The following MMP21 variants were observed in gnomAD, a reference collection of about 807,000 sequenced individuals.
The protein encoded by MMP21 is matrix metalloproteinase-21.
MMP21 carries 40 observed loss-of-function variants against 47.8 expected under a neutral mutation model. The ratio of observed to expected loss-of-function variants is 0.84; its 90% CI spans 0.65 to 1.09. The LOEUF (loss-of-function observed/expected upper bound fraction) is 1.09, where lower values mean the gene tolerates loss of function less well. Among genes scored for constraint, MMP21 ranks in the 50% least tolerant of loss-of-function variants. MMP21 has a pLI of 0.00. For missense variants in MMP21, 747 were observed against 775.3 expected, an observed-to-expected ratio of 0.96 and a Z score of 0.43; for synonymous variants, 341 against 318.0, an observed-to-expected ratio of 1.07 and a Z score of -0.77.
At chr10:125,767,798 T>C in intron 5 of MMP21, 94 bp from the exon 6 acceptor site, 1 of 1,273,800 alleles carries the variant, frequency 7.9e-7, no homozygotes, top group Non-Finnish European at 1.1e-6. Flanking sequence ...GCCAATCCTG[T>C]ACAATGTGTT....
intron 4 of MMP21, among the ~76,000 whole-genome samples, chr10:125,771,011 T>C (rs894997416): frequency 6.6e-6 from 1 of 151,822 alleles, no homozygotes; most frequent in African/African-American, 2.4e-5. Context: ...GCTTGGGCGA[T>C]AGAGTGAGAC....
chr10:125,772,645 G>T lies in MMP21; in HGVS notation c.803C>A (p.Pro268His). 6.2e-7 allele frequency: 1 copy of T among 1,614,230 alleles called. No individual in the cohort carries two copies. The highest frequency in any genetic ancestry group is 8.5e-7 in the Non-Finnish European group (1 of 1,180,036). Reference sequence around the variant, plus strand: ...GCTGATGCCCGTGTCACTGGTGGGAGGTGTGAAGTGCTCGTCGTCGTCAAA... The same window carrying T: ...GCTGATGCCCGTGTCACTGGTGGGATGTGTGAAGTGCTCGTCGTCGTCAAA... ...IHFDDDEHFT[P>H]PTSDTGISLL... Residue 268 changes from proline (P) to histidine (H), a missense_variant, in exon 3 of 7, where the codon CCT becomes CAT. Pro to His is a moderately conservative substitution (Grantham distance 77, BLOSUM62 -2). Transcript: ENST00000368808. This position sits in a 1 kb window ranked among gnomAD's most constrained non-coding sequence, Gnocchi z 5.6.
At chr10:125,775,597 G>A (rs1850507770) in intron 1 of MMP21, 63 bp downstream of exon 1, 3 of 1,503,824 alleles carry the variant, frequency 2.0e-6, no homozygotes, top group South Asian at 2.7e-5. Flanking sequence ...GCGCGCGTGC[G>A]CATGTGCCTG....
rs1053414855 is a variant in MMP21, at chr10:125,773,532, G to A, written c.697+299C>T. On this transcript the variant is annotated intron_variant, in intron 2 of 6. Coordinates refer to ENST00000368808, the MANE Select transcript of MMP21 (RefSeq NM_147191.1). The surrounding 1 kb of genome is among the most constrained non-coding windows in gnomAD (Gnocchi z 4.8). ...TGAGACCCCAGCTGCTGCTCCCTAG[G>A]GAAGCTGGAGGCACAGGCAGGGGGC... is the stretch of plus-strand genomic sequence containing the variant. Among the ~76,000 whole-genome samples, 3 of 152,168 alleles carry A rather than the reference G, an allele frequency of 2.0e-5. No individual in the cohort carries two copies. The highest frequency in any genetic ancestry group is 1.3e-4 in the Admixed American group (2 of 15,288).
intron 4 of MMP21, among the ~76,000 whole-genome samples, chr10:125,770,914 A>C (rs1027729770): frequency 4.0e-5 from 6 of 151,718 alleles, no homozygotes; most frequent in African/African-American, 1.5e-4. Context: ...CCCTTGGCAC[A>C]GGTTACTTGG....
At position 125,774,057 on chromosome 10, in the gene MMP21, C is replaced by T. The variant is rs1413466245; in HGVS notation, c.471G>A (p.Trp157Ter). 1.2e-5 allele frequency: 18 copies of T among 1,451,992 alleles called. No individual in the cohort carries two copies. The highest frequency in any genetic ancestry group is 1.6e-5 in the Non-Finnish European group (18 of 1,105,172). 89.9% of individuals were successfully genotyped at this position (1,451,992 alleles called of 1,614,324 possible). The change falls in exon 2 of 7, where the codon TGG (tryptophan) becomes TGA (stop). Residue 157 changes from tryptophan (W) to a stop codon, truncating the protein, a stop_gained. Coordinates refer to ENST00000368808, the MANE Select transcript of MMP21 (RefSeq NM_147191.1). LOFTEE classifies it high-confidence loss of function. ...RAPLSLSRRG[W>*]QPRGYPDGGA... ...CGCCGTCGGGGTAGCCCCGGGGCTG[C>T]CAACCCCGCCGGGACAAGGACAGCG...
In MMP21 at chr10:125,774,061, C is replaced by A. The variant is rs1258040381; in HGVS notation, c.467G>T (p.Gly156Val). The A allele has an allele frequency of 2.8e-6, 4 of 1,449,554 alleles. No homozygotes were observed. The African/African-American group carries it at 5.9e-5, about 21-fold the overall frequency. The allele number at this position is 1,449,554 out of a possible 1,614,324, so 89.8% of individuals were successfully genotyped here. A position where few individuals can be genotyped will look rare whatever the true frequency, so the allele number is the denominator to read the frequency against. ...PRAPLSLSRR[G>V]WQPRGYPDGG... ...GTCGGGGTAGCCCCGGGGCTGCCAA[C>A]CCCGCCGGGACAAGGACAGCGGCGC... The change falls in exon 2 of 7, where the codon GGT becomes GTT. Residue 156 changes from glycine (G) to valine (V), a missense_variant. Transcript: ENST00000368808.
At chr10:125,769,718 T>C (rs1850425380) in intron 5 of MMP21, among the ~76,000 whole-genome samples, 2 of 152,216 alleles carry the variant, frequency 1.3e-5, no homozygotes, top group Admixed American at 6.5e-5. Context: ...TGTTGCTAGA[T>C]GTCCAAGGTA....
At position 125,774,758 on chromosome 10, in the gene MMP21, C is replaced by T. The variant is rs1022312918; in HGVS notation, c.163-393G>A. Among the ~76,000 whole-genome samples the T allele has an allele frequency of 3.0e-4, 45 of 152,242 alleles. 1 individual carries two copies. Among genetic ancestry groups the T allele is most frequent in the African/African-American group, 1.1e-3 (44 of 41,542 alleles). ...GAGGTCGCGGGGGAGGAAGACGCTC[C>T]CCCCGGCCTTGCGGGGCAGGTCGCG... On this transcript the variant is annotated intron_variant, in intron 1 of 6. Transcript: ENST00000368808.
At chr10:125,770,887 T>C (rs1447585154) in intron 4 of MMP21, among the ~76,000 whole-genome samples, 1 of 148,648 alleles carries the variant, frequency 6.7e-6, no homozygotes, top group East Asian at 1.9e-4. Context: ...CCGGGCATGG[T>C]GGCACGTGCC....
In MMP21 at chr10:125,770,620, T is replaced by G. The variant is rs17153528; in HGVS notation, c.980-29A>C. 8.3e-3 allele frequency: 13,340 copies of G among 1,610,420 alleles called. 1,064 individuals carry two copies. In the Admixed American group the frequency reaches 0.18, roughly 21 times the overall value. ...AAAAAAACAAACAAAAAACAGCCAC[T>G]TGTCACATACATGGTGCAAAACTTA... On this transcript the variant is annotated intron_variant, in intron 4 of 6. Coordinates refer to ENST00000368808, the MANE Select transcript of MMP21 (RefSeq NM_147191.1).
intron 1 of MMP21, among the ~76,000 whole-genome samples, chr10:125,775,378 G>C (rs922400278): frequency 2.6e-5 from 4 of 152,234 alleles, no homozygotes; most frequent in African/African-American, 9.6e-5. Context: ...TCACATGCTT[G>C]CCTTTGGAAA....
Position 125,774,114 on chromosome 10 carries a change from G to A in MMP21, c.414C>T (p.Pro138=). Residue 138 remains proline (P), a synonymous_variant, in exon 2 of 7, where the codon CCC becomes CCT. Coordinates refer to ENST00000368808, the MANE Select transcript of MMP21 (RefSeq NM_147191.1). ...SAPPSPPGPP[P]RARSRRSPRA... The stretch of plus-strand genomic sequence containing the variant: ...GCGGGGAGCGCCTGGAGCGGGCTCT[G>A]GGGGGCGGGCCCGGGGGCGAAGGCG... 1 of 1,320,924 alleles carries A rather than the reference G, an allele frequency of 7.6e-7. No homozygotes were observed. The highest frequency in any genetic ancestry group is 9.6e-7 in the Non-Finnish European group (1 of 1,041,678). The allele number at this position is 1,320,924 out of a possible 1,614,324, so 81.8% of individuals were successfully genotyped here.
At chr10:125,774,406 C>A in intron 1 of MMP21, 41 bp from the exon 2 acceptor site, 1 of 1,298,216 alleles carries the variant, frequency 7.7e-7, no homozygotes, top group South Asian at 2.1e-5. Context: ...CCGCCTCGCT[C>A]GGGGCCCTCC....
At chr10:125,767,248 C>A (rs1378074417) in intron 6 of MMP21, among the ~76,000 whole-genome samples, 1 of 152,088 alleles carries the variant, frequency 6.6e-6, no homozygotes, top group African/African-American at 2.4e-5. Flanking sequence ...GATCCTCTTG[C>A]CTTAGCCTCC....
rs766207264 is a variant in MMP21 at position 125,766,848 on chromosome 10, G to A, written c.1524C>T (p.Ser508=). The change falls in exon 7 of 7, where the codon TCC becomes TCT. Residue 508 remains serine (S), a synonymous_variant. Coordinates refer to ENST00000368808, the MANE Select transcript of MMP21 (RefSeq NM_147191.1). ...AGTTGTATGCATAGGAGTAATAAGC[G>A]GAATCTATATTTCTGAAAGGATGAT... ...PQNHPFRNID[S]AYYSYAYNSI... 1.2e-5 allele frequency: 19 copies of A among 1,613,612 alleles called. No homozygotes were observed. The highest frequency in any genetic ancestry group is 8.9e-5 in the East Asian group (4 of 44,818).
chr10:125,769,972 A>AC (rs959671130), intron 5 of MMP21, among the ~76,000 whole-genome samples: 3 of 151,744 alleles, frequency 2.0e-5, no homozygotes, highest in Non-Finnish European at 1.5e-5. Flanking sequence ...ACATAGTGAG[A>AC]CCCCATCTCT....
At chr10:125,770,855 A>G (rs1306229152) in intron 4 of MMP21, among the ~76,000 whole-genome samples, 1 of 151,802 alleles carries the variant, frequency 6.6e-6, no homozygotes, top group African/African-American at 2.4e-5. Context: ...TCTACAAAAA[A>G]AAAAAAAAAT....
chr10:125,766,812 A>T lies in MMP21; in HGVS notation c.1560T>A (p.Phe520Leu). 6.2e-7 allele frequency: 1 copy of T among 1,614,036 alleles called. No individual in the cohort carries two copies. Among genetic ancestry groups the T allele is most frequent in the Non-Finnish European group, 8.5e-7 (1 of 1,179,976 alleles). ...YYSYAYNSIF[F>L]FKGNAYWKVV... ...CCTTCCAGTATGCATTGCCTTTGAA[A>T]AAGAAAATGGAGTTGTATGCATAGG... The change falls in exon 7 of 7, where the codon TTT (phenylalanine) becomes TTA (leucine). Residue 520 changes from phenylalanine to leucine, a missense_variant. By Grantham distance (22) the Phe-to-Leu change is conservative (BLOSUM62 0). Transcript: ENST00000368808.
Sources: allele counts gnomAD v4.1 joint callset (sites outside exome capture counted in the v4.1 genomes callset), GRCh38; gene constraint gnomAD v4.1.1; non-coding constraint Gnocchi (gnomAD v3.1); transcripts MANE v1.5; gene names NCBI Gene and HGNC (gene_info 2026-07-23, HGNC 2026-07-21).